The following SEMA5A variants were observed in gnomAD, a reference collection of about 807,000 sequenced individuals.
SEMA5A encodes the protein semaphorin-5A.
SEMA5A carries 55 observed loss-of-function variants against 135.5 expected under a neutral mutation model. The observed-to-expected ratio is 0.41, with a 90% CI of 0.33 to 0.51. The LOEUF is 0.51. Among genes scored for constraint, SEMA5A ranks in the 20% least tolerant of loss-of-function variants. The probability of loss-of-function intolerance (pLI) is 0.37; values close to 1 mark genes in which losing one functional copy is unlikely to be tolerated. For synonymous variants in SEMA5A, 580 were observed against 546.5 expected (o/e 1.06, Z -0.85); for missense variants, 1,290 against 1,419.9 (o/e 0.91, Z 1.47).
At chr5:9,362,759 T>A (rs805143) in intron 3 of SEMA5A, among the ~76,000 whole-genome samples, 1 of 152,156 alleles carries the variant, frequency 6.6e-6, no homozygotes, top group African/African-American at 2.4e-5. Flanking sequence ...TGCTCTCATG[T>A]CTAGATGAAT....
chr5:9,051,551 A>G (rs1252232273), intron 20 of SEMA5A, among the ~76,000 whole-genome samples: 1 of 152,230 alleles, frequency 6.6e-6, no homozygotes, highest in Admixed American at 6.5e-5. Context: ...ATTTAACCTA[A>G]TATTAAAATA....
At chr5:9,366,409 G>A (rs1428993933) in intron 3 of SEMA5A, among the ~76,000 whole-genome samples, 3 of 142,016 alleles carry the variant, frequency 2.1e-5, no homozygotes, top group Non-Finnish European at 3.0e-5. Context: ...TTTTTTTTTA[G>A]ATGGAGTCTC....
intron 5 of SEMA5A, among the ~76,000 whole-genome samples, chr5:9,270,701 G>C (rs1028304472): frequency 6.6e-6 from 1 of 151,924 alleles, no homozygotes; most frequent in Non-Finnish European, 1.5e-5. Context: ...TTGGGGCAGC[G>C]GGTGGGGGCA....
intron 1 of SEMA5A, among the ~76,000 whole-genome samples, chr5:9,531,116 C>A (rs1479461537): frequency 6.6e-6 from 1 of 152,098 alleles, no homozygotes; most frequent in Non-Finnish European, 1.5e-5. Flanking sequence ...AAGCATCTTG[C>A]GTGGGAGTCC....
At chr5:9,055,157 T>C (rs2059567061) in intron 18 of SEMA5A, among the ~76,000 whole-genome samples, 2 of 152,212 alleles carry the variant, frequency 1.3e-5, no homozygotes, top group South Asian at 4.1e-4. Context: ...CTGATCTTGC[T>C]AAAACCAAGA....
rs147601785 is a variant in SEMA5A, at chr5:9,200,123, T to C, written c.932+1832A>G. Among the ~76,000 whole-genome samples the C allele has an allele frequency of 1.7e-3, 257 of 152,306 alleles. 1 individual carries two copies. The highest frequency in any genetic ancestry group is 0.01 in the Middle Eastern group (3 of 294). Reference sequence around the variant, plus strand: ...TATTGTGAAATTTGAGTTGGGCATATTAGAAATGCATTCTCAAGACCCAAC... The same window carrying C: ...TATTGTGAAATTTGAGTTGGGCATACTAGAAATGCATTCTCAAGACCCAAC... On this transcript the variant is annotated intron_variant, in intron 9 of 22. Coordinates refer to ENST00000382496, the MANE Select transcript of SEMA5A (RefSeq NM_003966.3).
At chr5:9,105,486 C>A (rs776609140) in intron 16 of SEMA5A, among the ~76,000 whole-genome samples, 6 of 152,168 alleles carry the variant, frequency 3.9e-5, no homozygotes, top group Non-Finnish European at 1.5e-5. Context: ...CAAACATATT[C>A]TGTATTATAT....
intron 5 of SEMA5A, among the ~76,000 whole-genome samples, chr5:9,284,328 T>C (rs1456876001): frequency 4.6e-5 from 7 of 152,206 alleles, no homozygotes; most frequent in Non-Finnish European, 8.8e-5. Flanking sequence ...CAGTAGCTAA[T>C]ACAGAATTCT....
chr5:9,156,803 G>T (rs4082344), intron 11 of SEMA5A, among the ~76,000 whole-genome samples: 1 of 152,160 alleles, frequency 6.6e-6, no homozygotes, highest in Admixed American at 6.5e-5. Context: ...TTTTGTTGAA[G>T]GATTATGATT....
intron 1 of SEMA5A, among the ~76,000 whole-genome samples, chr5:9,458,928 A>C (rs76261577): frequency 0.013 from 1,917 of 152,306 alleles, 35 homozygotes; most frequent in African/African-American, 0.043. Context: ...CTTCAGTTAG[A>C]ATAAGGTAAG....
At chr5:9,159,020 T>C (rs1743107508) in intron 11 of SEMA5A, among the ~76,000 whole-genome samples, 1 of 152,190 alleles carries the variant, frequency 6.6e-6, no homozygotes, top group African/African-American at 2.4e-5. Flanking sequence ...ATGATTTATC[T>C]GAAATTCAAA....
chr5:9,380,011 G>A lies in SEMA5A; in HGVS notation c.-65C>T. ...AAACAGAAGCTCTTCTTCTCCTCAT[G>A]TGTGGAAAGTGCCTAAAACACACAA... is the stretch of plus-strand genomic sequence containing the variant. On this transcript the variant is annotated 5_prime_UTR_variant, in exon 3 of 23. Coordinates refer to ENST00000382496, the MANE Select transcript of SEMA5A (RefSeq NM_003966.3). 1 of 1,531,540 alleles carries A rather than the reference G, an allele frequency of 6.5e-7. No homozygotes were observed. Among genetic ancestry groups the A allele is most frequent in the South Asian group, 1.2e-5 (1 of 80,156 alleles). The allele number at this position is 1,531,540 out of a possible 1,614,324, so 94.9% of individuals were successfully genotyped here. A position where few individuals can be genotyped will look rare whatever the true frequency, so the allele number is the denominator to read the frequency against.
intron 5 of SEMA5A, among the ~76,000 whole-genome samples, chr5:9,285,157 C>G (rs1202499289): frequency 6.6e-6 from 1 of 152,174 alleles, no homozygotes; most frequent in Admixed American, 6.5e-5. Context: ...GTCTCTTTTT[C>G]CTTCCAACTA....
Position 9,197,400 on chromosome 5 carries a change from C to T in SEMA5A, c.933-97G>A, listed in dbSNP as rs1184748286. The T allele has an allele frequency of 2.8e-6, 4 of 1,425,784 alleles. No individual in the cohort carries two copies. In the African/African-American group the frequency reaches 4.3e-5, roughly 15 times the overall value. 88.3% of individuals were successfully genotyped at this position (1,425,784 alleles called of 1,614,324 possible). ...GGGCAGCAGCTGTGACCTACAGCTT[C>T]CAGAGGTCTCAAGACCACAGTCTCT... On this transcript the variant is annotated intron_variant, in intron 9 of 22. Coordinates refer to ENST00000382496, the MANE Select transcript of SEMA5A (RefSeq NM_003966.3).
intron 5 of SEMA5A, among the ~76,000 whole-genome samples, chr5:9,249,727 G>T (rs567190474): frequency 1.4e-4 from 22 of 152,194 alleles, no homozygotes; most frequent in Non-Finnish European, 2.8e-4. Flanking sequence ...CAGATGTAGG[G>T]ATCTGGAGAT....
intron 2 of SEMA5A, among the ~76,000 whole-genome samples, chr5:9,407,176 C>T (rs940380995): frequency 6.6e-6 from 1 of 152,178 alleles, no homozygotes. Flanking sequence ...CAGAATTGCT[C>T]TCCCTTCCAT....
chr5:9,406,111 C>T (rs1183823049), intron 2 of SEMA5A, among the ~76,000 whole-genome samples: 3 of 152,268 alleles, frequency 2.0e-5, no homozygotes, highest in South Asian at 4.1e-4. Flanking sequence ...CAAAATAAAG[C>T]GAACATGGTT....
At position 9,226,890 on chromosome 5, in the gene SEMA5A, C is replaced by A. The variant is rs6875327; in HGVS notation, c.411G>T (p.Thr137=). The part of the protein sequence containing the change: ...RLFTCGTNAF[T]PVCTNRSLSN... The stretch of plus-strand genomic sequence containing the variant: ...ATACCGAGCGGTTGGTGCAGACAGG[C>A]GTGAATGCATTGGTCCCACAGGTGA... Residue 137 remains threonine, a synonymous_variant, in exon 7 of 23, where the codon ACG becomes ACT. Coordinates refer to ENST00000382496, the MANE Select transcript of SEMA5A (RefSeq NM_003966.3). The A allele has an allele frequency of 6.3e-7, 1 of 1,599,382 alleles. No individual in the cohort carries two copies. The highest frequency in any genetic ancestry group is 8.5e-7 in the Non-Finnish European group (1 of 1,171,754).
chr5:9,230,699 A>T (rs1003987839), intron 6 of SEMA5A, among the ~76,000 whole-genome samples: 1 of 152,122 alleles, frequency 6.6e-6, no homozygotes, highest in Non-Finnish European at 1.5e-5. Context: ...AAAATGATGG[A>T]GGGTGGCCCC....
Sources: allele counts gnomAD v4.1 joint callset (sites outside exome capture counted in the v4.1 genomes callset), GRCh38; gene constraint gnomAD v4.1.1; transcripts MANE v1.5; gene names NCBI Gene and HGNC (gene_info 2026-07-23, HGNC 2026-07-21).